TDRD3: variants seen among roughly 807,000 people sequenced by gnomAD.
TDRD3 encodes the protein tudor domain containing 3, also known as tudor domain-containing protein 3.
TDRD3 carries 45 observed loss-of-function variants against 86.7 expected under a neutral mutation model. The observed-to-expected ratio is 0.52, with a 90% CI of 0.41 to 0.67. The LOEUF is 0.67. TDRD3 is among the 30% of genes least tolerant of loss of function. The probability of loss-of-function intolerance (pLI) is 0.00; values close to 1 mark genes in which losing one functional copy is unlikely to be tolerated. For missense variants in TDRD3, 814 were observed against 889.0 expected, an observed-to-expected ratio of 0.92 and a Z score of 1.07; for synonymous variants, 298 against 301.7, an observed-to-expected ratio of 0.99 and a Z score of 0.13.
At chr13:60,520,105 G>A (rs1957258367) in intron 10 of TDRD3, among the ~76,000 whole-genome samples, 1 of 151,806 alleles carries the variant, frequency 6.6e-6, no homozygotes, top group Non-Finnish European at 1.5e-5. Context: ...TTGAACACTG[G>A]GCATCATAAA....
intron 4 of TDRD3, among the ~76,000 whole-genome samples, chr13:60,465,093 T>G (rs1955889708): frequency 6.6e-6 from 1 of 152,102 alleles, no homozygotes; most frequent in Admixed American, 6.5e-5. Context: ...AAAATAAAAA[T>G]TTAGCCCCTA....
intron 1 of TDRD3, among the ~76,000 whole-genome samples, chr13:60,404,115 A>G (rs997627458): frequency 1.3e-4 from 20 of 152,208 alleles, no homozygotes; most frequent in African/African-American, 4.1e-4. Context: ...CTGATGATGT[A>G]TAAGCAAGGT....
intron 8 of TDRD3, among the ~76,000 whole-genome samples, chr13:60,497,841 A>G (rs1956750599): frequency 6.6e-6 from 1 of 152,106 alleles, no homozygotes; most frequent in African/African-American, 2.4e-5. Context: ...TAATTTATAT[A>G]AACAGAAATC....
rs567425708 is a variant in TDRD3 at position 60,431,578 on chromosome 13, TG to T, written c.42-8109del. 2.7e-3 allele frequency among the ~76,000 whole-genome samples: 411 copies of T among 151,914 alleles called. 5 individuals are homozygous for T. The highest frequency in any genetic ancestry group is 4.3e-3 in the Non-Finnish European group (293 of 67,806). Reference sequence around the variant, plus strand: ...ATGATGATATCAAGGCATTTCATATTGTTTTGCATCATCAGAAGTTGTTTAT... The same window carrying T: ...ATGATGATATCAAGGCATTTCATATTTTTTGCATCATCAGAAGTTGTTTAT... On this transcript the variant is annotated intron_variant, in intron 1 of 13. Coordinates refer to ENST00000377881, the MANE Select transcript of TDRD3 (RefSeq NM_001146070.2).
intron 3 of TDRD3, among the ~76,000 whole-genome samples, chr13:60,459,880 C>T (rs1955768864): frequency 6.6e-6 from 1 of 152,142 alleles, no homozygotes; most frequent in African/African-American, 2.4e-5. Context: ...CTCGGCCTCC[C>T]AAAGTGCTGG....
At chr13:60,532,244 A>C (rs943501872) in intron 11 of TDRD3, among the ~76,000 whole-genome samples, 4 of 152,170 alleles carry the variant, frequency 2.6e-5, no homozygotes, top group Non-Finnish European at 2.9e-5. Context: ...ACAGTACCCA[A>C]AGTGTTTTGA....
chr13:60,447,752 T>A (rs1426719482), intron 3 of TDRD3, among the ~76,000 whole-genome samples: 1 of 152,184 alleles, frequency 6.6e-6, no homozygotes, highest in African/African-American at 2.4e-5. Flanking sequence ...TCCAAGCCCA[T>A]CTGATATTAC....
rs1339102389 is a variant in TDRD3 at position 60,408,995 on chromosome 13, G to C, written c.41+11590G>C. 2.0e-5 allele frequency among the ~76,000 whole-genome samples: 3 copies of C among 152,172 alleles called. No individual in the cohort carries two copies. The East Asian group carries it at 5.8e-4, about 29-fold the overall frequency. ...TTCGTGGGCTGGGCCCAGGGTCCCT[G>C]TGCTGTGTGCAGCCTAGGGACTTGG... On this transcript the variant is annotated intron_variant, in intron 1 of 13. Coordinates refer to ENST00000377881, the MANE Select transcript of TDRD3 (RefSeq NM_001146070.2).
chr13:60,530,614 G>GT (rs1957560731), intron 11 of TDRD3, among the ~76,000 whole-genome samples: 1 of 144,872 alleles, frequency 6.9e-6, no homozygotes, highest in African/African-American at 2.6e-5. Context: ...CTAATTTTTT[G>GT]TATTTTTTTT....
intron 5 of TDRD3, among the ~76,000 whole-genome samples, chr13:60,478,976 T>G (rs1374541881): frequency 1.3e-5 from 2 of 151,812 alleles, no homozygotes; most frequent in African/African-American, 2.4e-5. Context: ...GCTGATTTTT[T>G]TTTTGTATTT....
intron 7 of TDRD3, 23 bp from the exon 8 acceptor site, chr13:60,494,412 T>G: frequency 6.3e-7 from 1 of 1,599,258 alleles, no homozygotes; most frequent in Non-Finnish European, 8.5e-7. Context: ...CATACCTCTC[T>G]TTTATCTTTC....
chr13:60,565,624 ATT>A (rs1260369267), intron 12 of TDRD3, among the ~76,000 whole-genome samples: 1 of 152,172 alleles, frequency 6.6e-6, no homozygotes, highest in Non-Finnish European at 1.5e-5. Context: ...TAAAATACAG[ATT>A]TTTAGATGTT....
In TDRD3 at chr13:60,510,677, C is replaced by T; in HGVS notation, c.1063C>T (p.Leu355=). ...AATAAGATCTGAAGATGAAGAGGAC[C>T]TGGGAAATGCAAGGCCATCAGCACC... ...GRIRSEDEED[L]GNARPSAPST... is the part of the protein sequence containing the mutation. The change falls in exon 10 of 14, where the codon CTG becomes TTG. Residue 355 remains leucine, a synonymous_variant. Transcript: ENST00000377881. 1 of 1,606,050 alleles carries T rather than the reference C, an allele frequency of 6.2e-7. No individual in the cohort carries two copies. The highest frequency in any genetic ancestry group is 8.5e-7 in the Non-Finnish European group (1 of 1,176,184).
intron 5 of TDRD3, among the ~76,000 whole-genome samples, chr13:60,473,800 G>A (rs549613239): frequency 6.6e-6 from 1 of 152,344 alleles, no homozygotes; most frequent in Admixed American, 6.5e-5. Flanking sequence ...CCACTAGAGG[G>A]CTCCCTGGGC....
rs144295439 is a variant in TDRD3, at chr13:60,537,542, G to A, written c.2118+2309G>A. ...TCTTTGAGTACTTTTTAAAAATTTT[G>A]GTAAGAGGAAACTGTAACAAGTTTT... On this transcript the variant is annotated intron_variant, in intron 12 of 13. Coordinates refer to ENST00000377881, the MANE Select transcript of TDRD3 (RefSeq NM_001146070.2). 2.3e-4 allele frequency: 35 copies of A among 151,774 alleles called. No homozygotes were observed. The East Asian group carries it at 6.0e-3, about 26-fold the overall frequency. The allele number at this position is 151,774 out of a possible 1,614,324, so 9.4% of individuals were successfully genotyped here.
At chr13:60,417,041 A>T in intron 1 of TDRD3, among the ~76,000 whole-genome samples, 2 of 139,772 alleles carry the variant, frequency 1.4e-5, no homozygotes, top group African/African-American at 2.7e-5. Flanking sequence ...TTTTGAGTCC[A>T]GGTCTTATTC....
chr13:60,510,799 TTTC>T (rs776768674), intron 10 of TDRD3, 44 bp downstream of exon 10: 3 of 1,474,572 alleles, frequency 2.0e-6, no homozygotes, highest in South Asian at 2.8e-5. Flanking sequence ...CTTTCTTTTC[TTTC>T]TTTTTTTTTT....
intron 10 of TDRD3, among the ~76,000 whole-genome samples, chr13:60,519,189 G>A (rs759614182): frequency 2.0e-5 from 3 of 151,768 alleles, no homozygotes; most frequent in Non-Finnish European, 4.4e-5. Flanking sequence ...TTGTCCGTTC[G>A]CTTATACATT....
intron 12 of TDRD3, among the ~76,000 whole-genome samples, chr13:60,557,646 A>G (rs1041034225): frequency 1.2e-4 from 18 of 151,992 alleles, no homozygotes; most frequent in African/African-American, 4.3e-4. Flanking sequence ...TCTCATTAAG[A>G]GGGTGAAAAC....
Sources: gnomAD v4.1 joint callset for allele counts (sites outside exome capture counted in the v4.1 genomes callset) on GRCh38, gnomAD v4.1.1 for gene constraint, MANE v1.5 for transcripts, NCBI Gene and HGNC (gene_info 2026-07-23, HGNC 2026-07-21) for gene names.